Variants in ZNF385D observed in about 807,000 individuals in gnomAD.
The protein encoded by ZNF385D is zinc finger protein 659.
A neutral mutation model predicts 35.8 loss-of-function variants in ZNF385D; 15 were observed. The observed-to-expected ratio is 0.42, with a 90% CI of 0.28 to 0.64. The LOEUF is 0.64. Among genes scored for constraint, ZNF385D ranks in the 30% least tolerant of loss-of-function variants. ZNF385D has a pLI of 0.23. For synonymous variants in ZNF385D, 212 were observed against 186.8 expected (o/e 1.13, Z -1.10); for missense variants, 474 against 494.6 (o/e 0.96, Z 0.39).
intron 3 of ZNF385D, among the ~76,000 whole-genome samples, chr3:22,164,087 G>T (rs1435954203): frequency 6.6e-6 from 1 of 152,000 alleles, no homozygotes; most frequent in Non-Finnish European, 1.5e-5. Flanking sequence ...ATAGGTAAAA[G>T]AAATAATATG....
chr3:21,934,221 A>C (rs910010721), intron 3 of ZNF385D, among the ~76,000 whole-genome samples: 1 of 152,208 alleles, frequency 6.6e-6, no homozygotes, highest in African/African-American at 2.4e-5. Flanking sequence ...CTATTGTTTG[A>C]AACAACTATT....
chr3:22,020,017 A>C lies in ZNF385D; in HGVS notation c.325+148800T>G, dbSNP rs139069242. Among the ~76,000 whole-genome samples the C allele has an allele frequency of 5.5e-3, 843 of 152,026 alleles. 8 individuals carry two copies. The highest frequency in any genetic ancestry group is 0.019 in the African/African-American group (772 of 41,542). ...ATGACTGCATAAATGCTTTGTTTTA[A>C]TAATTAAATTAATATTATTAACTTT... On this transcript the variant is annotated intron_variant, in intron 3 of 5. Coordinates refer to the ZNF385D transcript ENST00000494108.
At chr3:21,945,979 G>C (rs1701764149) in intron 3 of ZNF385D, among the ~76,000 whole-genome samples, 1 of 152,132 alleles carries the variant, frequency 6.6e-6, no homozygotes, top group African/African-American at 2.4e-5. Context: ...ATGAACTTAA[G>C]CTGAACTCAG....
At chr3:21,826,841 T>C (rs894617437) in intron 3 of ZNF385D, among the ~76,000 whole-genome samples, 4 of 139,656 alleles carry the variant, frequency 2.9e-5, no homozygotes, top group Non-Finnish European at 4.7e-5. Context: ...AAAAAAAAAC[T>C]CTCCTGTAGA....
At chr3:21,803,463 AAT>A (rs1196467539) in intron 3 of ZNF385D, among the ~76,000 whole-genome samples, 2 of 152,188 alleles carry the variant, frequency 1.3e-5, no homozygotes, top group Non-Finnish European at 2.9e-5. Context: ...ACTGCAAACT[AAT>A]ATGATTGTAT....
In ZNF385D at chr3:21,563,578, A is replaced by G. The variant is rs1007556426; in HGVS notation, c.276+996T>C. ...CCTATACTCAATTATCTTGCATCCTATCTTCGTCACCAGAGCATCTAAGAG... is the reference window on the plus strand; with the variant it reads ...CCTATACTCAATTATCTTGCATCCTGTCTTCGTCACCAGAGCATCTAAGAG... On this transcript the variant is annotated intron_variant, in intron 3 of 7. Coordinates refer to ENST00000281523, the MANE Select transcript of ZNF385D (RefSeq NM_024697.3). 9.9e-5 allele frequency among the ~76,000 whole-genome samples: 15 copies of G among 152,176 alleles called. 1 individual carries two copies. The highest frequency in any genetic ancestry group is 4.1e-4 in the South Asian group (2 of 4,826).
intron 3 of ZNF385D, among the ~76,000 whole-genome samples, chr3:21,983,159 ATT>A (rs771399662): frequency 0.23 from 23,096 of 100,580 alleles, 4,649 homozygotes; most frequent in African/African-American, 0.56. Context: ...ATTTTATTTT[ATT>A]TTATTATTTT....
chr3:21,883,986 A>C (rs1698409164), intron 3 of ZNF385D, among the ~76,000 whole-genome samples: 1 of 152,000 alleles, frequency 6.6e-6, no homozygotes, highest in Non-Finnish European at 1.5e-5. Flanking sequence ...ATTTTGTGAT[A>C]TCCTTAGTGT....
chr3:21,839,281 C>T (rs1295920999), intron 3 of ZNF385D, among the ~76,000 whole-genome samples: 1 of 151,982 alleles, frequency 6.6e-6, no homozygotes, highest in Non-Finnish European at 1.5e-5. Context: ...ATTTTAAAAT[C>T]TCATATTATG....
intron 3 of ZNF385D, among the ~76,000 whole-genome samples, chr3:22,057,414 G>A (rs550427898): frequency 1.4e-4 from 22 of 152,194 alleles, no homozygotes; most frequent in African/African-American, 4.6e-4. Context: ...AGGAAAATTG[G>A]TATTATGCTT....
intron 3 of ZNF385D, among the ~76,000 whole-genome samples, chr3:21,838,657 TATCC>T (rs1439917139): frequency 6.6e-6 from 1 of 152,082 alleles, no homozygotes; most frequent in Non-Finnish European, 1.5e-5. Context: ...AAACTGGCCT[TATCC>T]ATCTATGATG....
At chr3:21,499,038 AACT>A (rs1706157889) in intron 4 of ZNF385D, among the ~76,000 whole-genome samples, 1 of 152,064 alleles carries the variant, frequency 6.6e-6, no homozygotes, top group Non-Finnish European at 1.5e-5. Flanking sequence ...TGGGAGTGTA[AACT>A]AGTTCAGCCA....
At chr3:21,727,235 G>C (rs1394562361) in intron 1 of ZNF385D, among the ~76,000 whole-genome samples, 2 of 152,110 alleles carry the variant, frequency 1.3e-5, no homozygotes, top group African/African-American at 4.8e-5. Flanking sequence ...AGAAAAGCTA[G>C]GCAATACCAT....
At chr3:22,087,104 G>A (rs376231003) in intron 3 of ZNF385D, among the ~76,000 whole-genome samples, 4 of 152,062 alleles carry the variant, frequency 2.6e-5, no homozygotes, top group East Asian at 1.9e-4. Context: ...TTTTCTGATC[G>A]GAGCATGTTA....
At chr3:21,499,083 A>G (rs534946589) in intron 4 of ZNF385D, among the ~76,000 whole-genome samples, 2 of 152,126 alleles carry the variant, frequency 1.3e-5, no homozygotes, top group African/African-American at 4.8e-5. Flanking sequence ...TTCCTTAAAT[A>G]ATGTAAAACA....
intron 3 of ZNF385D, among the ~76,000 whole-genome samples, chr3:22,076,400 T>G (rs561066020): frequency 2.0e-5 from 3 of 152,054 alleles, no homozygotes; most frequent in African/African-American, 7.2e-5. Context: ...TTAGCTGGCT[T>G]ATTTTTTAAT....
chr3:22,290,268 G>C (rs1382521367), intron 2 of ZNF385D, among the ~76,000 whole-genome samples: 1 of 152,092 alleles, frequency 6.6e-6, no homozygotes, highest in Non-Finnish European at 1.5e-5. Flanking sequence ...ATGTGCCTCA[G>C]CTTTACTAAC....
intron 3 of ZNF385D, among the ~76,000 whole-genome samples, chr3:21,822,998 A>G (rs1694370612): frequency 6.6e-6 from 1 of 152,180 alleles, no homozygotes; most frequent in East Asian, 1.9e-4. Flanking sequence ...GACAAGAACA[A>G]AGATGCAATC....
upstream of ZNF385D, among the ~76,000 whole-genome samples, chr3:21,754,550 T>C (rs970349585): frequency 6.6e-6 from 1 of 152,196 alleles, no homozygotes; most frequent in African/African-American, 2.4e-5. Flanking sequence ...GGTAGCTGCC[T>C]GCCTTGACTC....
Sources: allele counts gnomAD v4.1 joint callset (sites outside exome capture counted in the v4.1 genomes callset), GRCh38; gene constraint gnomAD v4.1.1; transcripts MANE v1.5; gene names NCBI Gene and HGNC (gene_info 2026-07-23, HGNC 2026-07-21).